PCDH11X: variants seen among roughly 807,000 people sequenced by gnomAD.
PCDH11X encodes protocadherin 11 X-linked.
Under a neutral mutation model 53.3 loss-of-function variants are expected in PCDH11X, and 18 were observed. The observed-to-expected ratio is 0.34, with a 90% CI of 0.23 to 0.50. PCDH11X has a LOEUF of 0.50. Ranked by LOEUF, PCDH11X falls within the 20% of genes least tolerant of loss-of-function variation. The pLI is 0.98. For synonymous variants in PCDH11X, 279 were observed against 393.3 expected, an observed-to-expected ratio of 0.71 and a Z score of 3.44; for missense variants, 570 against 1,032.4, an observed-to-expected ratio of 0.55 and a Z score of 6.14.
intron 8 of PCDH11X, among the ~76,000 whole-genome samples, chrX:92,286,286 T>C (rs1383907980): frequency 2.8e-5 from 3 of 108,616 alleles, no homozygotes; most frequent in African/African-American, 1.0e-4. Flanking sequence ...CAGGAAAAAA[T>C]TATTTAATGT....
intron 6 of PCDH11X, among the ~76,000 whole-genome samples, chrX:92,095,330 T>C (rs951198881): frequency 2.7e-5 from 3 of 111,477 alleles, no homozygotes; most frequent in Non-Finnish European, 5.7e-5. Context: ...ATTCCTAATA[T>C]TATGTTTTTT....
chrX:91,958,752 C>T (rs1489947475), intron 6 of PCDH11X, among the ~76,000 whole-genome samples: 1 of 110,829 alleles, frequency 9.0e-6, no homozygotes, highest in South Asian at 3.8e-4. Context: ...CCGTGAATAC[C>T]GTGGACCACA....
chrX:92,609,803 T>C (rs1427371123), intron 10 of PCDH11X, among the ~76,000 whole-genome samples: 1 of 110,771 alleles, frequency 9.0e-6, no homozygotes, highest in African/African-American at 3.3e-5. Flanking sequence ...TTTATTTCCA[T>C]GAGTACCCAA....
intron 7 of PCDH11X, among the ~76,000 whole-genome samples, chrX:92,210,230 C>CTTTTTTTTT (rs146233770): frequency 2.4e-5 from 1 of 41,079 alleles, no homozygotes; most frequent in Non-Finnish European, 4.0e-5. Flanking sequence ...AGAAAATGGG[C>CTTTTTTTTT]TTTTTTTTTT....
chrX:92,559,202 A>T (rs1444615825), intron 10 of PCDH11X, among the ~76,000 whole-genome samples: 2 of 110,584 alleles, frequency 1.8e-5, no homozygotes, highest in Non-Finnish European at 3.8e-5. Context: ...GTGTATTGAG[A>T]TGAGTGCATT....
intron 8 of PCDH11X, among the ~76,000 whole-genome samples, chrX:92,274,185 T>C (rs757719644): frequency 1.9e-4 from 21 of 109,297 alleles, no homozygotes; most frequent in African/African-American, 6.1e-4. Flanking sequence ...TGTAGCATTC[T>C]GAGGACAGGC....
At chrX:92,047,682 A>G (rs1158487389) in intron 6 of PCDH11X, among the ~76,000 whole-genome samples, 2 of 110,179 alleles carry the variant, frequency 1.8e-5, no homozygotes, top group African/African-American at 6.6e-5. Flanking sequence ...AGTCAGAGTA[A>G]ATAGTTTCCC....
intron 8 of PCDH11X, among the ~76,000 whole-genome samples, chrX:92,351,111 G>A (rs970768230): frequency 2.7e-5 from 3 of 111,733 alleles, no homozygotes; most frequent in Middle Eastern, 4.3e-3. Context: ...CTGCGATCAC[G>A]GGTCAATTGT....
chrX:92,415,034 G>A (rs1162663960), intron 9 of PCDH11X, among the ~76,000 whole-genome samples: 1 of 111,114 alleles, frequency 9.0e-6, no homozygotes, highest in Non-Finnish European at 1.9e-5. Flanking sequence ...CTAATTTGGA[G>A]AGAAAAGAAG....
intron 8 of PCDH11X, among the ~76,000 whole-genome samples, chrX:92,300,950 T>C (rs2068708651): frequency 1.8e-5 from 2 of 111,869 alleles, no homozygotes; most frequent in Admixed American, 9.5e-5. Flanking sequence ...AGGGCTGCTG[T>C]TGGGCAATGG....
rs181732428 is a variant in PCDH11X, at chrX:92,425,492, C to T, written c.3343+37559C>T. 1.2e-3 allele frequency among the ~76,000 whole-genome samples: 125 copies of T among 106,153 alleles called. 2 individuals carry two copies. Among genetic ancestry groups the T allele is most frequent in the Non-Finnish European group, 5.2e-4 (27 of 51,519 alleles). The allele number at this position is 106,153 out of a possible 115,157, so 92.2% of individuals were successfully genotyped here. On this transcript the variant is annotated intron_variant, in intron 9 of 10. Coordinates refer to ENST00000682573, the MANE Select transcript of PCDH11X (RefSeq NM_032968.5). The stretch of plus-strand genomic sequence containing the variant: ...AAGTTTGCATTTTTCAAATTAGAGA[C>T]GGTGAAGACTTGGGAAGAAGAAAGT...
rs947145788 is a variant in PCDH11X, at chrX:91,789,217, A to G, written c.-379+9533A>G. 2.0e-4 allele frequency among the ~76,000 whole-genome samples: 20 copies of G among 98,973 alleles called. No individual in the cohort carries two copies. In the East Asian group the frequency reaches 3.0e-3, roughly 15 times the overall value. The allele number at this position is 98,973 out of a possible 115,157, so 85.9% of individuals were successfully genotyped here. A position where few individuals can be genotyped will look rare whatever the true frequency, so the allele number is the denominator to read the frequency against. ...CTCCGTCTCAAAAAAAAAAAAAAAAAAAAAAAGAAAAGAAAAAGAAAAAGA... is the reference window on the plus strand; with the variant it reads ...CTCCGTCTCAAAAAAAAAAAAAAAAGAAAAAAGAAAAGAAAAAGAAAAAGA... On this transcript the variant is annotated intron_variant, in intron 1 of 10. Coordinates refer to ENST00000682573, the MANE Select transcript of PCDH11X (RefSeq NM_032968.5).
chrX:92,046,055 C>T (rs1167449885), intron 6 of PCDH11X, among the ~76,000 whole-genome samples: 1 of 111,615 alleles, frequency 9.0e-6, no homozygotes, highest in Non-Finnish European at 1.9e-5. Flanking sequence ...AATACACCAA[C>T]GATGGTGTGC....
intron 10 of PCDH11X, among the ~76,000 whole-genome samples, chrX:92,545,913 G>C (rs2074846866): frequency 9.3e-6 from 1 of 107,755 alleles, no homozygotes; most frequent in Admixed American, 1.0e-4. Context: ...CATTTTCTCT[G>C]ATATCATTTT....
intron 6 of PCDH11X, among the ~76,000 whole-genome samples, chrX:91,925,687 A>G (rs1239286247): frequency 9.0e-6 from 1 of 110,952 alleles, no homozygotes; most frequent in Non-Finnish European, 1.9e-5. Flanking sequence ...GTTTACCATT[A>G]AATTTGAATT....
Position 92,258,746 on chromosome X carries a change from C to T in PCDH11X, c.3115-4368C>T, listed in dbSNP as rs141194405. On this transcript the variant is annotated intron_variant, in intron 7 of 10. Transcript: ENST00000682573. ...TTTTTTTTCTCTTCTTCCACATGGC[C>T]AGGCTGCAAATTTTTCAAAATTTTA... 5.4e-5 allele frequency among the ~76,000 whole-genome samples: 6 copies of T among 111,809 alleles called. No individual in the cohort carries two copies. In the East Asian group the frequency reaches 1.1e-3, roughly 21 times the overall value.
chrX:92,078,122 T>C (rs2063803230), intron 6 of PCDH11X, among the ~76,000 whole-genome samples: 1 of 107,811 alleles, frequency 9.3e-6, no homozygotes, highest in African/African-American at 3.4e-5. Context: ...TCACCAGTTA[T>C]AAAAAAAAAT....
rs1431922183 is a variant in PCDH11X at position 92,326,635 on chromosome X, T to TAG, written c.3145-61099_3145-61098insGA. Among the ~76,000 whole-genome samples, 15 of 51,826 alleles carry TAG rather than the reference T, an allele frequency of 2.9e-4. 1 individual carries two copies. The highest frequency in any genetic ancestry group is 1.5e-3 in the South Asian group (1 of 661). The allele number at this position is 51,826 out of a possible 115,157, so 45.0% of individuals were successfully genotyped here. On this transcript the variant is annotated intron_variant, in intron 8 of 10. Transcript: ENST00000682573. The stretch of plus-strand genomic sequence containing the variant: ...ATTTTTAATAAACTATATATATATA[T>TAG]ATATAGAGAGAGAGAGAGAGAGAGA...
chrX:91,924,496 T>A (rs1308228828), intron 6 of PCDH11X, among the ~76,000 whole-genome samples: 2 of 111,960 alleles, frequency 1.8e-5, no homozygotes, highest in Non-Finnish European at 3.8e-5. Flanking sequence ...GCCACTAGTT[T>A]GTAGTAATTT....
Sources: gnomAD v4.1 joint callset for allele counts (sites outside exome capture counted in the v4.1 genomes callset) on GRCh38, gnomAD v4.1.1 for gene constraint, MANE v1.5 for transcripts, NCBI Gene and HGNC (gene_info 2026-07-23, HGNC 2026-07-21) for gene names.